The following CHD7 variants were observed in gnomAD, a reference collection of about 807,000 sequenced individuals.
CHD7 encodes chromodomain helicase DNA binding protein 7.
CHD7 carries 24 observed loss-of-function variants against 307.3 expected under a neutral mutation model. That is an observed-to-expected ratio of 0.08 (90% CI 0.06 to 0.11). CHD7 has a LOEUF of 0.11. Ranked by LOEUF, CHD7 falls within the 10% of genes least tolerant of loss-of-function variation. The pLI, the probability that CHD7 is intolerant of heterozygous loss-of-function variation, is 1.00. For missense variants in CHD7, 3,106 were observed against 3,727.1 expected, an observed-to-expected ratio of 0.83 and a Z score of 4.34; for synonymous variants, 1,363 against 1,349.9, an observed-to-expected ratio of 1.01 and a Z score of -0.21.
intron 3 of CHD7, among the ~76,000 whole-genome samples, chr8:60,785,937 G>T (rs1201688228): frequency 1.3e-5 from 2 of 151,574 alleles, no homozygotes; most frequent in African/African-American, 2.4e-5. Flanking sequence ...TAAATGTTTT[G>T]CACCCTGTGC....
intron 1 of CHD7, among the ~76,000 whole-genome samples, chr8:60,698,453 T>C (rs1806597838): frequency 6.6e-6 from 1 of 152,162 alleles, no homozygotes; most frequent in Non-Finnish European, 1.5e-5. Flanking sequence ...AATATATAAT[T>C]AGAGGTTGGA....
chr8:60,731,644 C>T (rs555271968), intron 1 of CHD7, among the ~76,000 whole-genome samples: 1 of 152,328 alleles, frequency 6.6e-6, no homozygotes, highest in South Asian at 2.1e-4. Flanking sequence ...AATTCCATCT[C>T]CTTTGTCAAA....
At position 60,852,128 on chromosome 8, in the gene CHD7, A is replaced by G; in HGVS notation, c.5775A>G (p.Lys1925=). Reference sequence around the variant, plus strand: ...TTACTGCCTATCAGCGCAGCTATAAAAGGCAACAGATGAGGCAAGAGGCCC... The same window carrying G: ...TTACTGCCTATCAGCGCAGCTATAAGAGGCAACAGATGAGGCAAGAGGCCC... ...RLITAYQRSY[K]RQQMRQEALM... is the part of the protein sequence containing the mutation. Residue 1925 remains lysine (K), a synonymous_variant, in exon 29 of 38, where the codon AAA becomes AAG. Transcript: ENST00000423902. 1 of 1,614,018 alleles carries G rather than the reference A, an allele frequency of 6.2e-7. No individual in the cohort carries two copies. The highest frequency in any genetic ancestry group is 1.1e-5 in the South Asian group (1 of 91,084).
intron 1 of CHD7, 34 bp from the exon 2 acceptor site, chr8:60,741,225 T>A: frequency 3.5e-6 from 2 of 565,256 alleles, no homozygotes; most frequent in Non-Finnish European, 6.3e-6. Flanking sequence ...TTTGTTTTCT[T>A]CCTTCTTCTC....
intron 3 of CHD7, among the ~76,000 whole-genome samples, chr8:60,790,994 G>GT (rs1303961742): frequency 6.6e-6 from 1 of 152,130 alleles, no homozygotes; most frequent in Non-Finnish European, 1.5e-5. Flanking sequence ...AGATACATGT[G>GT]TGTTTTGGGG....
chr8:60,695,073 G>A (rs1184737711), intron 1 of CHD7, among the ~76,000 whole-genome samples: 2 of 152,256 alleles, frequency 1.3e-5, no homozygotes, highest in East Asian at 1.9e-4. Context: ...AGGGTGGGGG[G>A]AAGAGGGACT....
At chr8:60,748,115 A>G (rs1240779490) in intron 2 of CHD7, among the ~76,000 whole-genome samples, 7 of 152,182 alleles carry the variant, frequency 4.6e-5, no homozygotes, top group African/African-American at 1.7e-4. Flanking sequence ...CTGTGTGAGC[A>G]GGAAGATGCA....
At position 60,865,902 on chromosome 8, in the gene CHD7, A is replaced by T. The variant is rs1563675205; in HGVS notation, c.8963A>T (p.Asp2988Val). The T allele has an allele frequency of 1.2e-6, 2 of 1,607,278 alleles. No homozygotes were observed. The highest frequency in any genetic ancestry group is 1.7e-6 in the Non-Finnish European group (2 of 1,176,820). The change falls in exon 38 of 38, where the codon GAT (aspartate) becomes GTT (valine). Residue 2988 changes from aspartate to valine, a missense_variant. Asp to Val is a radical substitution (Grantham distance 152). Transcript: ENST00000423902. This position sits in a 1 kb window ranked among gnomAD's most constrained non-coding sequence, Gnocchi z 4.3. ...GEELDSLDGGDEIENNENDE is the reference protein window; with the variant it reads ...GEELDSLDGGVEIENNENDE ...GAGCTAGACTCACTTGATGGGGGGG[A>T]TGAAATAGAAAACAATGAAAATGAT... is the stretch of plus-strand genomic sequence containing the variant.
intron 3 of CHD7, among the ~76,000 whole-genome samples, chr8:60,785,455 CAT>C (rs1223705661): frequency 2.6e-5 from 4 of 152,104 alleles, no homozygotes; most frequent in African/African-American, 7.2e-5. Context: ...GTACGAGAAA[CAT>C]GTGAGGGTGC....
chr8:60,682,600 C>G (rs1805686842), intron 1 of CHD7, among the ~76,000 whole-genome samples: 1 of 152,296 alleles, frequency 6.6e-6, no homozygotes, highest in Admixed American at 6.5e-5. Flanking sequence ...AACTTTGATT[C>G]AGCAAACCTT....
At position 60,777,638 on chromosome 8, in the gene CHD7, T is replaced by A. The variant is rs921966292; in HGVS notation, c.1666-3362T>A. Reference sequence around the variant, plus strand: ...TTGCATCTTGTCCATTCTGCTGTTTTATATACGATAATTTAGTTGTATGTC... The same window carrying A: ...TTGCATCTTGTCCATTCTGCTGTTTAATATACGATAATTTAGTTGTATGTC... On this transcript the variant is annotated intron_variant, in intron 2 of 37. Coordinates refer to ENST00000423902, the MANE Select transcript of CHD7 (RefSeq NM_017780.4). 1.3e-4 allele frequency among the ~76,000 whole-genome samples: 20 copies of A among 152,234 alleles called. 1 individual carries two copies. Among genetic ancestry groups the A allele is most frequent in the Admixed American group, 4.6e-4 (7 of 15,278 alleles).
At chr8:60,851,211 A>C in intron 27 of CHD7, 51 bp from the exon 28 acceptor site, 1 of 1,524,134 alleles carries the variant, frequency 6.6e-7, no homozygotes, top group Non-Finnish European at 8.9e-7. Flanking sequence ...AAAGACAAAG[A>C]AAAATGAGAC....
intron 13 of CHD7, among the ~76,000 whole-genome samples, chr8:60,827,988 A>G (rs1483898124): frequency 1.3e-5 from 2 of 152,154 alleles, no homozygotes; most frequent in Non-Finnish European, 2.9e-5. Context: ...TCTGTATTGC[A>G]TATATGAAAA....
intron 23 of CHD7, among the ~76,000 whole-genome samples, chr8:60,847,277 T>A (rs1016366366): frequency 1.3e-5 from 2 of 152,136 alleles, no homozygotes; most frequent in Non-Finnish European, 1.5e-5. Context: ...CTAGTTGTTA[T>A]TTTGAAGTTT....
intron 1 of CHD7, among the ~76,000 whole-genome samples, chr8:60,717,527 C>T (rs1807672006): frequency 6.6e-6 from 1 of 152,192 alleles, no homozygotes. Context: ...CATGCTACAA[C>T]TCAGGTGGTT....
intron 8 of CHD7, among the ~76,000 whole-genome samples, chr8:60,818,492 G>A (rs1330264507): frequency 6.6e-6 from 1 of 152,210 alleles, no homozygotes; most frequent in East Asian, 1.9e-4. Context: ...TGCTGTACAT[G>A]GATAACACGT....
At chr8:60,783,610 G>T (rs550320791) in intron 3 of CHD7, among the ~76,000 whole-genome samples, 1 of 152,114 alleles carries the variant, frequency 6.6e-6, no homozygotes, top group East Asian at 1.9e-4. Context: ...CCCCTCCTGC[G>T]GCTTTTGATT....
chr8:60,683,225 T>TA (rs1805720009), intron 1 of CHD7, among the ~76,000 whole-genome samples: 1 of 152,200 alleles, frequency 6.6e-6, no homozygotes, highest in Non-Finnish European at 1.5e-5. Context: ...ATTTAGTCTT[T>TA]AAAAAAATTG....
At chr8:60,809,668 G>T (rs1180657058) in intron 7 of CHD7, 8 of 96,324 alleles carry the variant, frequency 8.3e-5, no homozygotes, top group East Asian at 2.9e-4. Context: ...AGGGAGTTTT[G>T]AAAAAAAAAA....
Sources: allele counts gnomAD v4.1 joint callset (sites outside exome capture counted in the v4.1 genomes callset), GRCh38; gene constraint gnomAD v4.1.1; non-coding constraint Gnocchi (gnomAD v3.1); transcripts MANE v1.5; gene names NCBI Gene and HGNC (gene_info 2026-07-23, HGNC 2026-07-21).